Variants in ERICH1 observed in about 807,000 individuals in gnomAD.
ERICH1 encodes the protein glutamate-rich protein 1.
ERICH1 carries 56 observed loss-of-function variants against 39.6 expected under a neutral mutation model. That is an observed-to-expected ratio of 1.41 (90% CI 1.14 to 1.77). The LOEUF (loss-of-function observed/expected upper bound fraction) is 1.77. Ranked by LOEUF, ERICH1 falls within the 40% of genes most tolerant of loss-of-function variation. The pLI, the probability that ERICH1 is intolerant of heterozygous loss-of-function variation, is 0.00. For synonymous variants in ERICH1, 313 were observed against 223.6 expected, an observed-to-expected ratio of 1.40 and a Z score of -3.57; for missense variants, 826 against 575.4, an observed-to-expected ratio of 1.44 and a Z score of -4.45.
chr8:663,630 C>T (rs1045381250), downstream of ERICH1, among the ~76,000 whole-genome samples: 4 of 152,138 alleles, frequency 2.6e-5, no homozygotes, highest in African/African-American at 4.8e-5. Flanking sequence ...CCCCAGCAAA[C>T]GCATGTGGTA....
At chr8:653,404 C>T (rs975112159) in intron 3 of ERICH1, among the ~76,000 whole-genome samples, 34 of 152,232 alleles carry the variant, frequency 2.2e-4, no homozygotes, top group Non-Finnish European at 4.4e-4. Context: ...AGCAGCCATA[C>T]GTCAACCATG....
At chr8:622,824 G>A (rs1379495528) in intron 3 of ERICH1, among the ~76,000 whole-genome samples, 3 of 151,870 alleles carry the variant, frequency 2.0e-5, no homozygotes, top group Admixed American at 6.6e-5. Flanking sequence ...CAGGTGTAGT[G>A]GTGCACACCT....
chr8:637,909 GA>G (rs1286518984), intron 3 of ERICH1, among the ~76,000 whole-genome samples: 1 of 152,226 alleles, frequency 6.6e-6, no homozygotes, highest in African/African-American at 2.4e-5. Flanking sequence ...GCAGGCAGCC[GA>G]ACAAAATGCA....
Position 674,058 on chromosome 8 carries a change from A to T in ERICH1, c.305-11T>A, listed in dbSNP as rs1804094655. On this transcript the variant is annotated splice_polypyrimidine_tract_variant and intron_variant, in intron 3 of 5. Coordinates refer to ENST00000262109, the MANE Select transcript of ERICH1 (RefSeq NM_207332.3). ...CATGAGGATCCTGATCTGTTAAAAAAATTCAAATATAACAATTTTCAGTAC... is the reference window on the plus strand; with the variant it reads ...CATGAGGATCCTGATCTGTTAAAAATATTCAAATATAACAATTTTCAGTAC... 4.6e-6 allele frequency: 7 copies of T among 1,523,516 alleles called. No individual in the cohort carries two copies. In the African/African-American group the frequency reaches 5.6e-5, roughly 12 times the overall value. The allele number at this position is 1,523,516 out of a possible 1,614,324, so 94.4% of individuals were successfully genotyped here.
intron 4 of ERICH1, among the ~76,000 whole-genome samples, chr8:669,943 A>C (rs1802913078): frequency 1.3e-5 from 2 of 152,014 alleles, no homozygotes; most frequent in African/African-American, 2.4e-5. Context: ...CAATGGTGTA[A>C]AACTCCCAAA....
At chr8:685,679 C>G (rs577974864) in intron 3 of ERICH1, among the ~76,000 whole-genome samples, 2 of 152,172 alleles carry the variant, frequency 1.3e-5, no homozygotes, top group Non-Finnish European at 2.9e-5. Context: ...CGCCTTCAGC[C>G]GGTCCCTCCG....
At chr8:701,495 G>A (rs931173328) in intron 2 of ERICH1, among the ~76,000 whole-genome samples, 1 of 152,236 alleles carries the variant, frequency 6.6e-6, no homozygotes, top group African/African-American at 2.4e-5. Context: ...CTGGGAGGCT[G>A]AGCCACAGAC....
intron 3 of ERICH1, among the ~76,000 whole-genome samples, chr8:632,244 T>C (rs1357182349): frequency 6.6e-6 from 1 of 152,198 alleles, no homozygotes; most frequent in African/African-American, 2.4e-5. Flanking sequence ...GTGTTTATCT[T>C]GATAACATCT....
At chr8:616,603 A>G (rs903162087) in intron 3 of ERICH1, 9 of 454,682 alleles carry the variant, frequency 2.0e-5, no homozygotes, top group Middle Eastern at 3.3e-4. Flanking sequence ...CAGAGAGAGA[A>G]TAAGAGTGAG....
At chr8:719,594 T>C (rs983078409) in intron 1 of ERICH1, among the ~76,000 whole-genome samples, 4 of 152,186 alleles carry the variant, frequency 2.6e-5, no homozygotes, top group Admixed American at 2.6e-4. Flanking sequence ...CAGATCCTTT[T>C]CCTCCTCAAT....
intron 3 of ERICH1, among the ~76,000 whole-genome samples, chr8:633,519 C>G (rs1292990621): frequency 6.6e-6 from 1 of 152,184 alleles, no homozygotes; most frequent in East Asian, 1.9e-4. Flanking sequence ...GGATATTTCT[C>G]AGAGAAACAG....
Position 625,500 on chromosome 8 carries a change from A to C in ERICH1, c.977-10216T>G, listed in dbSNP as rs192288904. ...GGGTCTGGGTGCATGGTGAGGTCTA[A>C]AGAGCACGGGGTGTCTTGGGGGTAA... On this transcript the variant is annotated intron_variant, in intron 3 of 3. Coordinates refer to the ERICH1 transcript ENST00000522706. Among the ~76,000 whole-genome samples the C allele has an allele frequency of 5.9e-5, 9 of 152,250 alleles. No homozygotes were observed. The East Asian group carries it at 1.5e-3, about 26-fold the overall frequency.
intron 3 of ERICH1, among the ~76,000 whole-genome samples, chr8:653,841 A>G (rs1444913362): frequency 1.3e-5 from 2 of 151,544 alleles, no homozygotes; most frequent in African/African-American, 4.9e-5. Flanking sequence ...GACAGAAAGT[A>G]GGATGGTTGG....
At chr8:708,883 G>T (rs1384650625) in intron 2 of ERICH1, among the ~76,000 whole-genome samples, 2 of 151,392 alleles carry the variant, frequency 1.3e-5, no homozygotes, top group African/African-American at 4.9e-5. Context: ...TGCTAGAGAT[G>T]GGTGACTCGC....
chr8:663,642 C>G (rs980512602), downstream of ERICH1, among the ~76,000 whole-genome samples: 2 of 152,148 alleles, frequency 1.3e-5, no homozygotes, highest in African/African-American at 2.4e-5. Context: ...CATGTGGTAC[C>G]TTGAATCATG....
chr8:718,520 C>T (rs1018199316), intron 1 of ERICH1, among the ~76,000 whole-genome samples: 2 of 152,182 alleles, frequency 1.3e-5, no homozygotes, highest in African/African-American at 4.8e-5. Flanking sequence ...GTGTACAGTA[C>T]ATTTCGAATC....
At chr8:720,574 C>G (rs866911947) in intron 1 of ERICH1, among the ~76,000 whole-genome samples, 3 of 152,046 alleles carry the variant, frequency 2.0e-5, no homozygotes, top group Admixed American at 1.3e-4. Context: ...GGAAGAAGGC[C>G]GTAGGGATTT....
chr8:709,600 T>C (rs1814239180), intron 2 of ERICH1, among the ~76,000 whole-genome samples: 1 of 152,224 alleles, frequency 6.6e-6, no homozygotes, highest in Non-Finnish European at 1.5e-5. Flanking sequence ...TTAAAGAGTA[T>C]CTTACAGATG....
At chr8:614,960 T>C (rs1796841048) in exon 4 of ERICH1, 1 of 356,394 alleles carries the variant, frequency 2.8e-6, no homozygotes, top group Admixed American at 4.6e-5. Context: ...GGACAAACTG[T>C]GACTGAGCCA....
Sources: allele counts gnomAD v4.1 joint callset (sites outside exome capture counted in the v4.1 genomes callset), GRCh38; gene constraint gnomAD v4.1.1; transcripts MANE v1.5; gene names NCBI Gene and HGNC (gene_info 2026-07-23, HGNC 2026-07-21).